MED12L: variants seen among roughly 807,000 people sequenced by gnomAD.
MED12L encodes mediator of RNA polymerase II transcription subunit 12-like protein.
In MED12L, 60 loss-of-function variants were observed where a neutral mutation model predicts 281.3. The observed-to-expected ratio is 0.21, with a 90% CI of 0.17 to 0.26. MED12L has a LOEUF of 0.26. Ranked by LOEUF, MED12L falls within the 10% of genes least tolerant of loss-of-function variation. The pLI is 1.00. For missense variants in MED12L, 2,146 were observed against 2,680.9 expected (o/e 0.80, Z 4.41); for synonymous variants, 974 against 987.2 (o/e 0.99, Z 0.25).
At chr3:151,397,308 TTC>T (rs1208887586) in intron 39 of MED12L, among the ~76,000 whole-genome samples, 1 of 152,226 alleles carries the variant, frequency 6.6e-6, no homozygotes, top group Admixed American at 6.5e-5. Context: ...ATATGTCTTT[TTC>T]TCTCATCATT....
intron 25 of MED12L, among the ~76,000 whole-genome samples, chr3:151,369,004 A>G (rs1018859427): frequency 3.3e-5 from 5 of 151,876 alleles, no homozygotes; most frequent in Non-Finnish European, 5.9e-5. Flanking sequence ...CTCGTGATCC[A>G]CCTGCCTCGG....
At chr3:151,282,151 G>A (rs1298959444) in intron 16 of MED12L, among the ~76,000 whole-genome samples, 2 of 152,070 alleles carry the variant, frequency 1.3e-5, no homozygotes, top group Non-Finnish European at 2.9e-5. Flanking sequence ...AGACACTAGC[G>A]CATCCGGCCT....
chr3:151,123,507 G>A (rs1285497348), intron 4 of MED12L, among the ~76,000 whole-genome samples: 1 of 152,128 alleles, frequency 6.6e-6, no homozygotes. Flanking sequence ...GGATGTGGGA[G>A]GTTCTTTTAA....
chr3:151,194,344 G>A (rs1724372565), intron 16 of MED12L, among the ~76,000 whole-genome samples: 1 of 152,154 alleles, frequency 6.6e-6, no homozygotes, highest in African/African-American at 2.4e-5. Context: ...CTTCTAGTCA[G>A]TAAGAGTTTT....
intron 16 of MED12L, among the ~76,000 whole-genome samples, chr3:151,197,017 T>C (rs1724755000): frequency 6.6e-6 from 1 of 152,234 alleles, no homozygotes; most frequent in Non-Finnish European, 1.5e-5. Context: ...TCATGTATGC[T>C]TATCTAAATT....
At chr3:151,328,561 G>A (rs1162507797) in intron 16 of MED12L, 2 of 1,613,604 alleles carry the variant, frequency 1.2e-6, no homozygotes, top group East Asian at 4.5e-5. Context: ...ACCAGATGAA[G>A]ATTGAGACCG....
rs761794034 is a variant in MED12L, at chr3:151,390,101, C to T, written c.5574C>T (p.Pro1858=). ...GYNLVGQPQQ[P]GFFLQNQSLT... ...ACCTCGTGGGCCAGCCCCAGCAGCC[C>T]GGCTTTTTCCTTCAGAACCAATCTC... Residue 1858 remains proline (P), a synonymous_variant, in exon 38 of 45, where the codon CCC becomes CCT. Transcript: ENST00000687756. The T allele has an allele frequency of 3.3e-5, 54 of 1,613,966 alleles. No homozygotes were observed. The highest frequency in any genetic ancestry group is 3.3e-4 in the Middle Eastern group (2 of 6,084).
intron 16 of MED12L, among the ~76,000 whole-genome samples, chr3:151,320,586 A>G (rs888066874): frequency 6.6e-6 from 1 of 152,140 alleles, no homozygotes; most frequent in Non-Finnish European, 1.5e-5. Flanking sequence ...TTAATCTGTC[A>G]TTTGAAATTA....
chr3:151,211,804 C>T (rs925692182), intron 16 of MED12L, among the ~76,000 whole-genome samples: 3 of 152,140 alleles, frequency 2.0e-5, no homozygotes, highest in African/African-American at 4.8e-5. Flanking sequence ...TATGCCACGA[C>T]GCCTGGCTAA....
At chr3:151,410,892 ATAT>A (rs764205406) in intron 40 of MED12L, among the ~76,000 whole-genome samples, 24 of 152,348 alleles carry the variant, frequency 1.6e-4, no homozygotes, top group Admixed American at 9.8e-4. Context: ...TTTGGAAATG[ATAT>A]TAATAATACT....
chr3:151,399,990 C>G (rs914636074), intron 39 of MED12L, among the ~76,000 whole-genome samples: 7 of 152,274 alleles, frequency 4.6e-5, no homozygotes, highest in South Asian at 4.2e-4. Flanking sequence ...CCCCGCCTGG[C>G]TGATTTTTGT....
rs71138494 is a variant in MED12L at position 151,334,196 on chromosome 3, CTTTT to C, written c.2251-15855_2251-15852del. Among the ~76,000 whole-genome samples, 2 of 118,230 alleles carry C rather than the reference CTTTT, an allele frequency of 1.7e-5. 1 individual carries two copies. Among genetic ancestry groups the C allele is most frequent in the Non-Finnish European group, 3.4e-5 (2 of 59,480 alleles). 77.6% of individuals were successfully genotyped at this position (118,230 alleles called of 152,430 possible). On this transcript the variant is annotated intron_variant, in intron 16 of 44. Transcript: ENST00000687756. ...TTATGTGTTTTTTCTTTCTTTCTTT[CTTTT>C]TTTTTTTGCCATTTCTATTTCTCCT...
At position 151,411,479 on chromosome 3, in the gene MED12L, T is replaced by A. The variant is rs758534355; in HGVS notation, c.6112T>A (p.Tyr2038Asn). 8.7e-6 allele frequency: 14 copies of A among 1,614,124 alleles called. No homozygotes were observed. The South Asian group carries it at 1.5e-4, about 18-fold the overall frequency. The stretch of plus-strand genomic sequence containing the variant: ...CTATGTTCAGCAGCAGGCCTCGCCG[T>A]ACCTGCAGCCCCTGACTGGCTCTCA... Reference protein sequence around the residue: ...SGYVQQQASPYLQPLTGSQRL... With the variant: ...SGYVQQQASPNLQPLTGSQRL... The change falls in exon 41 of 45, where the codon TAC becomes AAC. Residue 2038 changes from tyrosine to asparagine, a missense_variant. Transcript: ENST00000687756.
chr3:151,421,737 T>C (rs772695802), intron 43 of MED12L, among the ~76,000 whole-genome samples: 9 of 152,226 alleles, frequency 5.9e-5, no homozygotes, highest in East Asian at 1.9e-4. Flanking sequence ...CTTTTATCTT[T>C]CGGTATTTTT....
intron 16 of MED12L, among the ~76,000 whole-genome samples, chr3:151,239,797 C>T (rs942443789): frequency 3.3e-5 from 5 of 152,098 alleles, no homozygotes; most frequent in Admixed American, 1.3e-4. Context: ...TTTTAGCACT[C>T]CAGCTCTTAA....
intron 16 of MED12L, chr3:151,338,005 C>G (rs1157349113): frequency 6.2e-7 from 1 of 1,614,132 alleles, no homozygotes; most frequent in East Asian, 2.2e-5. Flanking sequence ...AGAGTGCTCT[C>G]TTTCACATAG....
chr3:151,120,057 A>T (rs1159707386), intron 3 of MED12L, among the ~76,000 whole-genome samples: 4 of 102,476 alleles, frequency 3.9e-5, no homozygotes, highest in African/African-American at 1.3e-4. Flanking sequence ...TGTCTCTACT[A>T]AAAAAAAAAA....
intron 11 of MED12L, among the ~76,000 whole-genome samples, chr3:151,178,195 A>G (rs771382018): frequency 1.3e-5 from 2 of 149,196 alleles, no homozygotes; most frequent in Admixed American, 6.7e-5. Flanking sequence ...GAAAGTGCCA[A>G]TATGAAAAGC....
chr3:151,243,047 G>A (rs957454729), intron 16 of MED12L, among the ~76,000 whole-genome samples: 6 of 151,472 alleles, frequency 4.0e-5, no homozygotes, highest in African/African-American at 4.8e-5. Flanking sequence ...GAAATGAAGC[G>A]AGAAGGGAAG....
Sources: allele counts gnomAD v4.1 joint callset (sites outside exome capture counted in the v4.1 genomes callset), GRCh38; gene constraint gnomAD v4.1.1; transcripts MANE v1.5; gene names NCBI Gene and HGNC (gene_info 2026-07-23, HGNC 2026-07-21).